The following ZNF680 variants were observed in gnomAD, a reference collection of about 807,000 sequenced individuals.
The protein encoded by ZNF680 is zinc finger protein 680.
Under a neutral mutation model 12.1 loss-of-function variants are expected in ZNF680, and 6 were observed. The ratio of observed to expected loss-of-function variants is 0.49; its 90% CI spans 0.27 to 0.98. ZNF680 has a LOEUF of 0.98. ZNF680 is among the 50% of genes least tolerant of loss of function. The probability of loss-of-function intolerance (pLI) is 0.12; values close to 1 mark genes in which losing one functional copy is unlikely to be tolerated. For synonymous variants in ZNF680, 170 were observed against 199.3 expected (o/e 0.85, Z 1.24); for missense variants, 561 against 616.3 (o/e 0.91, Z 0.95).
At chr7:64,550,030 C>T (rs1278343741) in intron 1 of ZNF680, among the ~76,000 whole-genome samples, 1 of 152,120 alleles carries the variant, frequency 6.6e-6, no homozygotes, top group Non-Finnish European at 1.5e-5. Flanking sequence ...TATAAGTAGA[C>T]AGTTTATTTG....
chr7:64,556,950 A>G (rs1364273041), intron 1 of ZNF680, among the ~76,000 whole-genome samples: 1 of 152,254 alleles, frequency 6.6e-6, no homozygotes, highest in Non-Finnish European at 1.5e-5. Context: ...AGGAATTTTA[A>G]AAATTTTACC....
At chr7:64,508,996 G>A in the ZNF680 span, among the ~76,000 whole-genome samples, 2 of 152,098 alleles carry the variant, frequency 1.3e-5, no homozygotes, top group Non-Finnish European at 2.9e-5. Context: ...AGACATTTAT[G>A]GCACTGTATA....
chr7:64,536,534 G>A (rs78845886), intron 3 of ZNF680, among the ~76,000 whole-genome samples: 3,907 of 152,238 alleles, frequency 0.026, 103 homozygotes, highest in African/African-American at 0.056. Flanking sequence ...CGAGGATGGC[G>A]TCATGCCATT....
intron 3 of ZNF680, among the ~76,000 whole-genome samples, chr7:64,538,320 A>C (rs115799701): frequency 8.5e-6 from 1 of 117,846 alleles, no homozygotes; most frequent in Non-Finnish European, 1.9e-5. Context: ...AACATTCAAA[A>C]GAGTAATGAT....
At chr7:64,501,277 G>T in the ZNF680 span, 1 of 984,210 alleles carries the variant, frequency 1.0e-6, no homozygotes, top group South Asian at 1.3e-5. Flanking sequence ...TGCTTAGGCT[G>T]TAGTGCCCTC....
At chr7:64,533,849 A>G (rs1786018355) in intron 3 of ZNF680, among the ~76,000 whole-genome samples, 1 of 152,328 alleles carries the variant, frequency 6.6e-6, no homozygotes, top group African/African-American at 2.4e-5. Context: ...TAGCGAACCC[A>G]GAAATAAACT....
intron 3 of ZNF680, among the ~76,000 whole-genome samples, chr7:64,538,034 TAGAGA>T (rs1483427955): frequency 1.3e-5 from 2 of 152,110 alleles, no homozygotes; most frequent in African/African-American, 4.8e-5. Context: ...TAACACATGA[TAGAGA>T]AAAGATAATC....
In ZNF680 at chr7:64,563,010, C is replaced by G. The variant is rs1308313317; in HGVS notation, c.-56G>C. ...TAACGGAGTCACAGAGGCTGGGCCT[C>G]TAGGAGCAGAATACACAGAGCAGTA... is the stretch of plus-strand genomic sequence containing the variant. On this transcript the variant is annotated 5_prime_UTR_variant, in exon 1 of 4. Transcript: ENST00000309683. The G allele has an allele frequency of 3.1e-6, 5 of 1,603,154 alleles. No homozygotes were observed. The highest frequency in any genetic ancestry group is 2.7e-5 in the African/African-American group (2 of 74,646).
intron 3 of ZNF680, chr7:64,525,472 T>G (rs1301416524): frequency 6.6e-6 from 1 of 152,184 alleles, no homozygotes; most frequent in Non-Finnish European, 1.5e-5. Flanking sequence ...AGACAGAGAT[T>G]GTATGAGATA....
the ZNF680 span, among the ~76,000 whole-genome samples, chr7:64,505,634 G>A: frequency 1.3e-5 from 2 of 152,146 alleles, no homozygotes; most frequent in Non-Finnish European, 2.9e-5. Flanking sequence ...CTTTCTAAAT[G>A]TCATTCCATA....
the ZNF680 span, among the ~76,000 whole-genome samples, chr7:64,512,916 A>T: frequency 7.1e-3 from 1,076 of 152,332 alleles, 14 homozygotes; most frequent in African/African-American, 0.025. Flanking sequence ...AAATAAAATC[A>T]GCCTTAAAAC....
chr7:64,529,967 A>G (rs1296685436), intron 3 of ZNF680, among the ~76,000 whole-genome samples: 3 of 152,236 alleles, frequency 2.0e-5, no homozygotes, highest in Admixed American at 6.5e-5. Flanking sequence ...AAATCCTACA[A>G]GCTAGAAGGG....
At chr7:64,558,843 A>G (rs1420485544) in intron 1 of ZNF680, among the ~76,000 whole-genome samples, 1 of 151,310 alleles carries the variant, frequency 6.6e-6, no homozygotes, top group Non-Finnish European at 1.5e-5. Flanking sequence ...CACACCGGGG[A>G]GAAAGAAACA....
At chr7:64,539,724 T>C (rs770087112) in intron 3 of ZNF680, among the ~76,000 whole-genome samples, 109 of 152,322 alleles carry the variant, frequency 7.2e-4, no homozygotes, top group Admixed American at 1.6e-3. Context: ...AATTATGGCT[T>C]ACTATAGCCT....
chr7:64,545,263 C>CAAAAA (rs532422147), intron 1 of ZNF680, among the ~76,000 whole-genome samples: 8 of 89,740 alleles, frequency 8.9e-5, no homozygotes, highest in African/African-American at 1.7e-4. Context: ...GACTCCATCT[C>CAAAAA]AAAAAAAAAA....
downstream of ZNF680, among the ~76,000 whole-genome samples, chr7:64,515,481 C>T (rs1791332460): frequency 6.6e-6 from 1 of 151,982 alleles, no homozygotes; most frequent in Non-Finnish European, 1.5e-5. Context: ...GTTTGCTTGC[C>T]TTAGGTAAAT....
At chr7:64,519,871 A>G (rs968653255), downstream of ZNF680, 57 of 151,842 alleles carry the variant, frequency 3.8e-4, no homozygotes, top group African/African-American at 1.0e-3. Context: ...TTGAATGCAC[A>G]ATAGTCTTAA....
At chr7:64,561,951 T>G (rs1360636800) in intron 1 of ZNF680, among the ~76,000 whole-genome samples, 1 of 87,212 alleles carries the variant, frequency 1.1e-5, no homozygotes, top group African/African-American at 4.5e-5. Context: ...AAAAAAAATT[T>G]ACATTAGGCA....
intron 3 of ZNF680, among the ~76,000 whole-genome samples, chr7:64,530,333 C>T (rs377049957): frequency 2.2e-4 from 34 of 152,234 alleles, no homozygotes; most frequent in Non-Finnish European, 4.6e-4. Flanking sequence ...TAAATACTAA[C>T]ATTGAATGTA....
Sources: gnomAD v4.1 joint callset for allele counts (sites outside exome capture counted in the v4.1 genomes callset) on GRCh38, gnomAD v4.1.1 for gene constraint, MANE v1.5 for transcripts, NCBI Gene and HGNC (gene_info 2026-07-23, HGNC 2026-07-21) for gene names.